The following RGS6 variants were observed in gnomAD, a reference collection of about 807,000 sequenced individuals.
The protein encoded by RGS6 is regulator of G protein signaling 6.
A neutral mutation model predicts 78.5 loss-of-function variants in RGS6; 30 were observed. The observed-to-expected ratio is 0.38, with a 90% confidence interval of 0.29 to 0.52. The LOEUF (loss-of-function observed/expected upper bound fraction) is 0.52, where lower values mean the gene tolerates loss of function less well. Ranked by LOEUF, RGS6 falls within the 20% of genes least tolerant of loss-of-function variation. The pLI is 0.85. For missense variants in RGS6, 495 were observed against 609.7 expected (o/e 0.81, Z 1.98); for synonymous variants, 206 against 206.0 (o/e 1.00, Z 0.00).
intron 15 of RGS6, among the ~76,000 whole-genome samples, chr14:72,519,107 G>T (rs2096994278): frequency 6.6e-6 from 1 of 152,230 alleles, no homozygotes; most frequent in Non-Finnish European, 1.5e-5. Flanking sequence ...AACTTCAACA[G>T]TGTGAAAAGT....
At chr14:72,280,173 G>A (rs1181103447) in intron 2 of RGS6, among the ~76,000 whole-genome samples, 1 of 151,056 alleles carries the variant, frequency 6.6e-6, no homozygotes, top group Non-Finnish European at 1.5e-5. Flanking sequence ...AAAAGGAAGA[G>A]GTCTTATTTT....
At chr14:71,991,774 C>A (rs1220724597) in intron 2 of RGS6, among the ~76,000 whole-genome samples, 1 of 152,122 alleles carries the variant, frequency 6.6e-6, no homozygotes, top group Non-Finnish European at 1.5e-5. Flanking sequence ...TTGTGACAGT[C>A]AATATTCCTC....
At chr14:72,201,407 A>G (rs1163898566) in intron 2 of RGS6, among the ~76,000 whole-genome samples, 1 of 152,202 alleles carries the variant, frequency 6.6e-6, no homozygotes, top group Non-Finnish European at 1.5e-5. Flanking sequence ...CAACTCATGA[A>G]TAATTGCAAT....
intron 17 of RGS6, among the ~76,000 whole-genome samples, chr14:72,548,685 G>A (rs777402028): frequency 3.9e-5 from 6 of 152,138 alleles, no homozygotes; most frequent in East Asian, 1.9e-4. Flanking sequence ...AAGCCACGTC[G>A]GAAGAGGCTG....
At chr14:72,321,635 T>C (rs1422722081) in intron 2 of RGS6, among the ~76,000 whole-genome samples, 1 of 152,022 alleles carries the variant, frequency 6.6e-6, no homozygotes, top group Non-Finnish European at 1.5e-5. Context: ...ATAAGATGTA[T>C]CATTCACAAG....
At chr14:72,315,676 T>G (rs370450752) in intron 2 of RGS6, among the ~76,000 whole-genome samples, 42 of 152,162 alleles carry the variant, frequency 2.8e-4, no homozygotes, top group African/African-American at 1.0e-3. Flanking sequence ...GGCGCCAGAT[T>G]AGGTAATTTT....
chr14:71,996,005 G>A (rs964634520), intron 2 of RGS6, among the ~76,000 whole-genome samples: 3 of 152,142 alleles, frequency 2.0e-5, no homozygotes, highest in Non-Finnish European at 4.4e-5. Context: ...CTTGGTGACT[G>A]GCCTCCCGAG....
At chr14:71,927,758 T>C (rs36335), upstream of RGS6, among the ~76,000 whole-genome samples, 26,057 of 151,138 alleles carry the variant, frequency 0.17, 2,448 homozygotes, top group African/African-American at 0.23. Context: ...CCCTGGTTCA[T>C]GCCATTCTCC....
chr14:72,234,902 C>A (rs923609728), intron 2 of RGS6, among the ~76,000 whole-genome samples: 1 of 151,974 alleles, frequency 6.6e-6, no homozygotes, highest in Admixed American at 6.6e-5. Flanking sequence ...TGTTCCATTT[C>A]CAAATTTGTG....
chr14:72,346,370 G>A (rs1283865118), intron 2 of RGS6, among the ~76,000 whole-genome samples: 1 of 152,188 alleles, frequency 6.6e-6, no homozygotes. Context: ...AAGAGGCATG[G>A]AGAAGGAGCA....
At chr14:71,935,174 C>T (rs1288569559) in intron 1 of RGS6, among the ~76,000 whole-genome samples, 1 of 152,116 alleles carries the variant, frequency 6.6e-6, no homozygotes, top group African/African-American at 2.4e-5. Flanking sequence ...AATAGAATTA[C>T]AAAATCAACT....
chr14:71,987,870 A>C (rs1473208774), intron 2 of RGS6, among the ~76,000 whole-genome samples: 1 of 152,210 alleles, frequency 6.6e-6, no homozygotes. Flanking sequence ...ACAGTGAATA[A>C]ATAACCTTCT....
At chr14:71,894,922 G>A in the RGS6 span, among the ~76,000 whole-genome samples, 1 of 151,032 alleles carries the variant, frequency 6.6e-6, no homozygotes, top group Non-Finnish European at 1.5e-5. Context: ...GAGCCACCAC[G>A]CCCAGCTAAT....
At chr14:72,163,159 A>G (rs2096876742) in intron 2 of RGS6, among the ~76,000 whole-genome samples, 1 of 152,218 alleles carries the variant, frequency 6.6e-6, no homozygotes, top group Non-Finnish European at 1.5e-5. Flanking sequence ...ATACTTACTC[A>G]TGTAACCAAA....
chr14:72,597,879 G>A, the RGS6 span, among the ~76,000 whole-genome samples: 34 of 152,304 alleles, frequency 2.2e-4, no homozygotes, highest in African/African-American at 7.2e-4. Flanking sequence ...GAGCTGAGAA[G>A]AGAGATGGAG....
At position 72,292,218 on chromosome 14, in the gene RGS6, G is replaced by A. The variant is rs534177228; in HGVS notation, c.85-59877G>A. Among the ~76,000 whole-genome samples, 45 of 152,280 alleles carry A rather than the reference G, an allele frequency of 3.0e-4. 1 individual carries two copies. The South Asian group carries it at 3.1e-3, about 11-fold the overall frequency. On this transcript the variant is annotated intron_variant, in intron 2 of 17. Coordinates refer to ENST00000553525, the MANE Select transcript of RGS6 (RefSeq NM_001204424.2). ...TAAGCTACATGTTTGAGTCACAAGC[G>A]TAGACTTGACACCCCTGTATGGTCA...
chr14:72,465,550 C>CTGGATGGATGGATGGATGGATGGA, intron 6 of RGS6, among the ~76,000 whole-genome samples: 1 of 110,308 alleles, frequency 9.1e-6, no homozygotes, highest in Non-Finnish European at 1.8e-5. Context: ...GGCGGGCTGT[C>CTGGATGGATGGATGGATGGATGGA]TGGATGGATG....
chr14:72,003,207 G>C lies in RGS6; in HGVS notation c.84+38332G>C, dbSNP rs111882496. On this transcript the variant is annotated intron_variant, in intron 2 of 17. Transcript: ENST00000553525. ...ATTTTACTTACCCACTGGCCACCAG[G>C]TACTCACACTGCAGTGAAAGGATTC... Among the ~76,000 whole-genome samples, 659 of 152,162 alleles carry C rather than the reference G, an allele frequency of 4.3e-3. 5 individuals carry two copies. Among genetic ancestry groups the C allele is most frequent in the African/African-American group, 0.015 (636 of 41,518 alleles).
the RGS6 span, among the ~76,000 whole-genome samples, chr14:72,579,383 G>A: frequency 1.3e-5 from 2 of 152,152 alleles, no homozygotes; most frequent in Admixed American, 6.5e-5. Context: ...CTCTATCTTG[G>A]CTGCTGCACC....
Sources: allele counts gnomAD v4.1 joint callset (sites outside exome capture counted in the v4.1 genomes callset), GRCh38; gene constraint gnomAD v4.1.1; transcripts MANE v1.5; gene names NCBI Gene and HGNC (gene_info 2026-07-23, HGNC 2026-07-21).